The following DVL1 variants were observed in gnomAD, a reference collection of about 807,000 sequenced individuals.
DVL1 encodes the protein segment polarity protein dishevelled homolog DVL-1.
Under a neutral mutation model 65.0 loss-of-function variants are expected in DVL1, and 49 were observed. That is an observed-to-expected ratio of 0.75 (90% confidence interval 0.60 to 0.96). DVL1 has a LOEUF of 0.96. Among genes scored for constraint, DVL1 ranks in the 40% least tolerant of loss-of-function variants. The pLI is 0.00. For missense variants in DVL1, 1,197 were observed against 1,045.4 expected, an observed-to-expected ratio of 1.15 and a Z score of -2.00; for synonymous variants, 608 against 433.9, an observed-to-expected ratio of 1.40 and a Z score of -4.99.
intron 9 of DVL1, 41 bp from the exon 10 acceptor site, chr1:1,339,690 C>A (rs1431822851): frequency 1.2e-6 from 2 of 1,612,562 alleles, no homozygotes; most frequent in Non-Finnish European, 1.7e-6. Flanking sequence ...CCCATGGTCC[C>A]ACCTCCCTGC....
chr1:1,341,558 A>G (rs202132762), intron 5 of DVL1, 109 bp downstream of exon 5: 1 of 1,366,456 alleles, frequency 7.3e-7, no homozygotes. Context: ...ATGCACACAC[A>G]CGCACACACG....
At position 1,340,117 on chromosome 1, in the gene DVL1, C is replaced by G. The variant is rs762764492; in HGVS notation, c.830G>C (p.Gly277Ala). Residue 277 changes from glycine (G) to alanine (A), a missense_variant, in exon 8 of 15, where the codon GGC becomes GCC. Coordinates refer to ENST00000378888, the MANE Select transcript of DVL1 (RefSeq NM_001330311.2). ...VGQSNDRGDG[G>A]IYIGSIMKGG... ...CTTCATGATGGAGCCAATGTAGATG[C>G]CGCCGTCTCCACGGTCGTTGCTCTG... 2.5e-6 allele frequency: 4 copies of G among 1,613,324 alleles called. No individual in the cohort carries two copies. The highest frequency in any genetic ancestry group is 3.4e-6 in the Non-Finnish European group (4 of 1,179,958).
chr1:1,336,330 C>A lies in DVL1; in HGVS notation c.1900G>T (p.Ala634Ser), dbSNP rs374846579. Residue 634 changes from alanine to serine, a missense_variant, in exon 15 of 15, where the codon GCC becomes TCC. Transcript: ENST00000378888. ...LSRGSSPRSQ[A>S]SATAPGLPPP... Reference sequence around the variant, plus strand: ...GGGAGCCCCGGGGCGGTAGCCGAGGCCTGACTGCGTGGGCTGCTGCCACGG... The same window carrying A: ...GGGAGCCCCGGGGCGGTAGCCGAGGACTGACTGCGTGGGCTGCTGCCACGG... 2.9e-4 allele frequency: 461 copies of A among 1,587,442 alleles called. No homozygotes were observed. The highest frequency in any genetic ancestry group is 3.1e-4 in the Admixed American group (18 of 58,394).
chr1:1,346,036 G>C (rs1332181356), intron 1 of DVL1, among the ~76,000 whole-genome samples: 1 of 152,168 alleles, frequency 6.6e-6, no homozygotes, highest in Admixed American at 6.5e-5. Context: ...GAGTGCAGTA[G>C]GTGAACTGCC....
At chr1:1,342,839 C>A (rs2100753502) in intron 1 of DVL1, 81 bp from the exon 2 acceptor site, 5 of 1,370,098 alleles carry the variant, frequency 3.6e-6, no homozygotes, top group Non-Finnish European at 5.1e-6. Flanking sequence ...AGAGCAGGCG[C>A]TCCTCCTGCC....
rs752706599 is a variant in DVL1 at position 1,338,089 on chromosome 1, C to A, written c.1602G>T (p.Leu534=). The A allele has an allele frequency of 3.7e-5, 59 of 1,609,900 alleles. No homozygotes were observed. In the African/African-American group the frequency reaches 6.0e-4, roughly 16 times the overall value. ...PLPHPAAPWP[L]GQGYPYQYPG... ...GGTACTGGTAGGGGTAGCCCTGACC[C>A]AGAGGCCAGGGGGCAGCCGGGTGGG... The change falls in exon 14 of 15, where the codon CTG becomes CTT. Residue 534 remains leucine, a synonymous_variant. Coordinates refer to ENST00000378888, the MANE Select transcript of DVL1 (RefSeq NM_001330311.2).
At chr1:1,343,722 A>T (rs1643879865) in intron 1 of DVL1, among the ~76,000 whole-genome samples, 1 of 152,130 alleles carries the variant, frequency 6.6e-6, no homozygotes, top group South Asian at 2.1e-4. Flanking sequence ...CGACGGACGG[A>T]CGTAGGTGGG....
intron 12 of DVL1, 37 bp downstream of exon 12, chr1:1,338,485 C>T (rs780058154): frequency 1.2e-6 from 2 of 1,610,778 alleles, no homozygotes; most frequent in African/African-American, 1.3e-5. Context: ...AGCAGCCCTG[C>T]CCCTGGCACT....
chr1:1,344,133 CCT>C (rs1345873571), intron 1 of DVL1, among the ~76,000 whole-genome samples: 1 of 152,172 alleles, frequency 6.6e-6, no homozygotes, highest in Non-Finnish European at 1.5e-5. Context: ...CACACTGTGA[CCT>C]CTGAGGGCCC....
Position 1,342,492 on chromosome 1 carries a change from G to A in DVL1, c.241-8C>T, listed in dbSNP as rs759332217. On this transcript the variant is annotated splice_polypyrimidine_tract_variant and splice_region_variant and intron_variant, in intron 2 of 14. Transcript: ENST00000378888. ...ACCCTCAGCCAGGACCAGCTGTGGAGGGAGCAGGCATGCTCAGGGGAGCCC... is the reference window on the plus strand; with the variant it reads ...ACCCTCAGCCAGGACCAGCTGTGGAAGGAGCAGGCATGCTCAGGGGAGCCC... The A allele has an allele frequency of 1.9e-6, 3 of 1,609,900 alleles. No homozygotes were observed. The highest frequency in any genetic ancestry group is 2.5e-6 in the Non-Finnish European group (3 of 1,179,224).
In DVL1 at chr1:1,338,280, T is replaced by C. The variant is rs769420196; in HGVS notation, c.1496A>G (p.Asp499Gly). Residue 499 changes from aspartate to glycine, a missense_variant, in exon 13 of 15, where the codon GAT becomes GGT. Coordinates refer to ENST00000378888, the MANE Select transcript of DVL1 (RefSeq NM_001330311.2). ...AAGCCCCCACTCACTGCTGCAGAGA[T>C]CCCCGAAGACGTAGTAGCACTGCTC... Reference protein sequence around the residue: ...FSEQCYYVFGDLCSNLATLNL... With the variant: ...FSEQCYYVFGGLCSNLATLNL... 2 of 1,480,414 alleles carry C rather than the reference T, an allele frequency of 1.4e-6. No individual in the cohort carries two copies. The highest frequency in any genetic ancestry group is 2.9e-5 in the East Asian group (1 of 34,918). 91.7% of individuals were successfully genotyped at this position (1,480,414 alleles called of 1,614,324 possible).
chr1:1,338,233 C>CCCCCCCCCCCCCGA, intron 13 of DVL1, 36 bp downstream of exon 13: 2 of 1,518,918 alleles, frequency 1.3e-6, no homozygotes, highest in Non-Finnish European at 1.8e-6. Context: ...CGGCGTTCCC[C>CCCCCCCCCCCCCGA]TCCCCCCCGC....
Position 1,340,102 on chromosome 1 carries a change from G to A in DVL1, c.845C>T (p.Ser282Phe). 1.4e-5 allele frequency: 23 copies of A among 1,613,248 alleles called. No homozygotes were observed. Among genetic ancestry groups the A allele is most frequent in the Non-Finnish European group, 1.9e-5 (22 of 1,179,928 alleles). The change falls in exon 8 of 15, where the codon TCC becomes TTC. Residue 282 changes from serine (S) to phenylalanine (F), a missense_variant. Ser to Phe is a radical substitution (Grantham distance 155). Coordinates refer to ENST00000378888, the MANE Select transcript of DVL1 (RefSeq NM_001330311.2). Reference sequence around the variant, plus strand: ...GGCCACAGCCCCGCCCTTCATGATGGAGCCAATGTAGATGCCGCCGTCTCC... The same window carrying A: ...GGCCACAGCCCCGCCCTTCATGATGAAGCCAATGTAGATGCCGCCGTCTCC... ...DRGDGGIYIG[S>F]IMKGGAVAAD...
At chr1:1,348,854 C>T (rs777001884) in intron 1 of DVL1, 42 bp downstream of exon 1, 4 of 1,466,328 alleles carry the variant, frequency 2.7e-6, no homozygotes, top group South Asian at 1.2e-5. Flanking sequence ...GTGCGACCCC[C>T]GAGCCCGCGC....
At chr1:1,340,921 G>A (rs1250803135) in intron 5 of DVL1, among the ~76,000 whole-genome samples, 2 of 133,094 alleles carry the variant, frequency 1.5e-5, no homozygotes, top group Non-Finnish European at 3.1e-5. Flanking sequence ...ACGCACACCT[G>A]CACACGCATG....
chr1:1,335,523 T>G lies in DVL1; in HGVS notation c.*619A>C. ...TGGCAGCTGTGCACATCGGGGCCCC[T>G]TGACCCTGCGGGCCATGGTCCCTCC... On this transcript the variant is annotated 3_prime_UTR_variant, in exon 15 of 15. Transcript: ENST00000378888. The G allele has an allele frequency of 6.5e-6, 1 of 155,000 alleles. No individual in the cohort carries two copies. Among genetic ancestry groups the G allele is most frequent in the Non-Finnish European group, 1.4e-5 (1 of 69,702 alleles). The allele number at this position is 155,000 out of a possible 1,614,324, so 9.6% of individuals were successfully genotyped here.
Position 1,336,578 on chromosome 1 carries a change from A to C in DVL1, c.1715-63T>G, listed in dbSNP as rs1007409532. On this transcript the variant is annotated intron_variant, in intron 14 of 14. Coordinates refer to ENST00000378888, the MANE Select transcript of DVL1 (RefSeq NM_001330311.2). ...CACCAGGCCCGGCCACGTCCAGAAC[A>C]ACCGCCCCCGCCAGGTGACCGGGCA... 8.2e-6 allele frequency: 12 copies of C among 1,465,300 alleles called. No individual in the cohort carries two copies. In the South Asian group the frequency reaches 1.1e-4, roughly 14 times the overall value. The allele number at this position is 1,465,300 out of a possible 1,614,324, so 90.8% of individuals were successfully genotyped here.
rs754055328 is a variant in DVL1, at chr1:1,337,852, G to A, written c.1714+125C>T. 56 of 778,428 alleles carry A rather than the reference G, an allele frequency of 7.2e-5. No homozygotes were observed. The Middle Eastern group carries it at 1.1e-3, about 15-fold the overall frequency. The allele number at this position is 778,428 out of a possible 1,614,324, so 48.2% of individuals were successfully genotyped here. ...CAGAGAAGCAGGGCGGAGCAGCAGC[G>A]GGGTGGGGTGGAGCTGGGGGTGGAG... On this transcript the variant is annotated intron_variant, in intron 14 of 14. Transcript: ENST00000378888.
chr1:1,347,619 G>A (rs755055425), intron 1 of DVL1, among the ~76,000 whole-genome samples: 1 of 152,168 alleles, frequency 6.6e-6, no homozygotes, highest in African/African-American at 2.4e-5. Context: ...AATAAACTAA[G>A]TCAAAAACAA....
Sources: allele counts gnomAD v4.1 joint callset (sites outside exome capture counted in the v4.1 genomes callset), GRCh38; gene constraint gnomAD v4.1.1; transcripts MANE v1.5; gene names NCBI Gene and HGNC (gene_info 2026-07-23, HGNC 2026-07-21).